Variants in GPNMB observed in about 807,000 individuals in gnomAD.
GPNMB encodes glycoprotein nmb.
A neutral mutation model predicts 57.3 loss-of-function variants in GPNMB; 71 were observed. The observed-to-expected ratio is 1.24, with a 90% CI of 1.02 to 1.51. The LOEUF (loss-of-function observed/expected upper bound fraction) is 1.51. Among genes scored for constraint, GPNMB ranks in the 40% most tolerant of loss-of-function variants. The pLI is 0.00. For synonymous variants in GPNMB, 253 were observed against 263.2 expected (o/e 0.96, Z 0.38); for missense variants, 677 against 691.9 (o/e 0.98, Z 0.24).
Position 23,274,510 on chromosome 7 carries a change from A to G in GPNMB, c.*286A>G. The G allele has an allele frequency of 4.0e-6, 1 of 247,314 alleles. No individual in the cohort carries two copies. The highest frequency in any genetic ancestry group is 7.8e-6 in the Non-Finnish European group (1 of 128,884). 15.3% of individuals were successfully genotyped at this position (247,314 alleles called of 1,614,324 possible). On this transcript the variant is annotated 3_prime_UTR_variant, in exon 11 of 11. Coordinates refer to ENST00000258733, the MANE Select transcript of GPNMB (RefSeq NM_002510.3). ...CTTAGGTAACTAGTAGGATAGAAAC[A>G]CTGTGTCCCGAGAGTAAGGAGAGAA...
chr7:23,252,167 G>A (rs1275690603), intron 1 of GPNMB, among the ~76,000 whole-genome samples: 1 of 152,100 alleles, frequency 6.6e-6, no homozygotes, highest in Non-Finnish European at 1.5e-5. Flanking sequence ...AAGAGTACAG[G>A]AAAAGAAGGA....
chr7:23,265,389 A>G (rs1039035926), intron 6 of GPNMB, among the ~76,000 whole-genome samples: 1 of 152,216 alleles, frequency 6.6e-6, no homozygotes, highest in Non-Finnish European at 1.5e-5. Context: ...TATTTTCAGT[A>G]TCGTTATTTT....
chr7:23,268,825 C>T (rs1783130278), intron 8 of GPNMB, among the ~76,000 whole-genome samples: 1 of 152,098 alleles, frequency 6.6e-6, no homozygotes, highest in Admixed American at 6.5e-5. Context: ...CTGCGAGAGG[C>T]CTGGCTGGTG....
intron 1 of GPNMB, among the ~76,000 whole-genome samples, chr7:23,248,747 T>C (rs1782595072): frequency 6.6e-6 from 1 of 151,910 alleles, no homozygotes; most frequent in South Asian, 2.1e-4. Flanking sequence ...CAGGCTTTTA[T>C]TTTTCTTTTA....
chr7:23,246,903 A>G lies in GPNMB; in HGVS notation c.46A>G (p.Arg16Gly), dbSNP rs1672964554. ...YFLGFLLLAA[R>G]LPLDAAKRFH... ...CCTGGGATTTCTGCTCCTGGCTGCA[A>G]GATTGCCACTTGATGCCGCCAAACG... Residue 16 changes from arginine to glycine, a missense_variant, in exon 1 of 11, where the codon AGA (arginine) becomes GGA (glycine). Physicochemically the swap from Arg to Gly is moderately radical, Grantham distance 125. Transcript: ENST00000258733. 2 of 1,613,856 alleles carry G rather than the reference A, an allele frequency of 1.2e-6. No individual in the cohort carries two copies. Among genetic ancestry groups the G allele is most frequent in the African/African-American group, 1.3e-5 (1 of 75,022 alleles).
chr7:23,250,885 G>A (rs1472303287), intron 1 of GPNMB: 1 of 152,114 alleles, frequency 6.6e-6, no homozygotes. Context: ...ATTTCCCTAG[G>A]CCTGAATTTC....
intron 3 of GPNMB, among the ~76,000 whole-genome samples, chr7:23,256,106 A>G (rs1048591766): frequency 6.6e-6 from 1 of 152,052 alleles, no homozygotes; most frequent in South Asian, 2.1e-4. Flanking sequence ...GGGTTTCACC[A>G]TGTTGGCCAG....
intron 2 of GPNMB, 43 bp from the exon 3 acceptor site, chr7:23,254,126 A>G: frequency 6.4e-7 from 1 of 1,570,760 alleles, no homozygotes; most frequent in Non-Finnish European, 8.6e-7. Context: ...GAACGAAAGG[A>G]AAAAGATGCT....
rs773987752 is a variant in GPNMB, at chr7:23,246,922, C to A, written c.65C>A (p.Ala22Asp). 7 of 1,610,194 alleles carry A rather than the reference C, an allele frequency of 4.3e-6. No homozygotes were observed. The highest frequency in any genetic ancestry group is 5.1e-6 in the Non-Finnish European group (6 of 1,176,576). ...GCTGCAAGATTGCCACTTGATGCCG[C>A]CAAACGTGAGTAACCCTTAATTTCT... ...LLAARLPLDAAKRFHDVLGNE... is the reference protein window; with the variant it reads ...LLAARLPLDADKRFHDVLGNE... Residue 22 changes from alanine to aspartate, a missense_variant, in exon 1 of 11, where the codon GCC (alanine) becomes GAC (aspartate). Coordinates refer to ENST00000258733, the MANE Select transcript of GPNMB (RefSeq NM_002510.3).
At chr7:23,253,481 A>C (rs1439083574) in intron 2 of GPNMB, 22 bp downstream of exon 2, 1 of 1,599,796 alleles carries the variant, frequency 6.3e-7, no homozygotes. Context: ...GATTCAAACC[A>C]AACACCTGCA....
In GPNMB at chr7:23,253,293, G is replaced by A. The variant is rs765705175; in HGVS notation, c.71-14G>A. ...CTAAATGAAGAATGGAATTTGTTTC[G>A]AATATTGATACAGGATTTCATGATG... On this transcript the variant is annotated splice_polypyrimidine_tract_variant and intron_variant, in intron 1 of 10. Coordinates refer to ENST00000258733, the MANE Select transcript of GPNMB (RefSeq NM_002510.3). The A allele has an allele frequency of 9.3e-6, 15 of 1,607,318 alleles. No homozygotes were observed. Among genetic ancestry groups the A allele is most frequent in the Admixed American group, 8.5e-5 (5 of 58,978 alleles).
At chr7:23,261,344 C>T (rs570421108) in intron 6 of GPNMB, among the ~76,000 whole-genome samples, 6 of 152,212 alleles carry the variant, frequency 3.9e-5, no homozygotes, top group African/African-American at 9.6e-5. Context: ...ATGTTTATTG[C>T]GGCACTATTC....
At chr7:23,254,810 T>A (rs1413023868) in intron 3 of GPNMB, among the ~76,000 whole-genome samples, 1 of 152,166 alleles carries the variant, frequency 6.6e-6, no homozygotes, top group Admixed American at 6.5e-5. Context: ...TCTATCTATG[T>A]TAAAGAGGAC....
intron 1 of GPNMB, among the ~76,000 whole-genome samples, chr7:23,251,290 A>G (rs1583813705): frequency 6.6e-6 from 1 of 152,200 alleles, no homozygotes; most frequent in East Asian, 1.9e-4. Context: ...TTCTCTGAGC[A>G]CCCACTCAAT....
intron 1 of GPNMB, 109 bp downstream of exon 1, chr7:23,247,036 T>A (rs75030519): frequency 0.018 from 14,748 of 841,146 alleles, 713 homozygotes; most frequent in African/African-American, 0.12. Flanking sequence ...TTCAGGAAGC[T>A]TTCATCTCTG....
In GPNMB at chr7:23,264,847, C is replaced by A. The variant is rs554128813; in HGVS notation, c.1019-1670C>A. ...GTCGTGATTCCATGCTCTAACTTGA[C>A]AACTAAATTCTGCCTGTCAAGAACT... is the stretch of plus-strand genomic sequence containing the variant. On this transcript the variant is annotated intron_variant, in intron 6 of 10. Coordinates refer to ENST00000258733, the MANE Select transcript of GPNMB (RefSeq NM_002510.3). Among the ~76,000 whole-genome samples, 3 of 152,294 alleles carry A rather than the reference C, an allele frequency of 2.0e-5. 1 individual carries two copies. In the South Asian group the frequency reaches 6.2e-4, roughly 32 times the overall value.
At chr7:23,253,551 C>A in intron 2 of GPNMB, 92 bp downstream of exon 2, 1 of 1,071,558 alleles carries the variant, frequency 9.3e-7, no homozygotes, top group South Asian at 1.6e-5. Flanking sequence ...CGGCTCACGT[C>A]ATTTCCACGA....
In GPNMB at chr7:23,267,897, G is replaced by A. The variant is rs370506567; in HGVS notation, c.1129G>A (p.Glu377Lys). The A allele has an allele frequency of 5.6e-6, 9 of 1,607,916 alleles. No homozygotes were observed. The highest frequency in any genetic ancestry group is 1.3e-5 in the African/African-American group (1 of 74,794). Residue 377 changes from glutamate to lysine, a missense_variant, in exon 8 of 11, where the codon GAG becomes AAG. Coordinates refer to ENST00000258733, the MANE Select transcript of GPNMB (RefSeq NM_002510.3). ...GGTTATTTTGTTAGAGGGAATCTTA[G>A]AGGTTAACATCATCCAGATGACAGA... ...ATITIVEGIL[E>K]VNIIQMTDVL...
intron 10 of GPNMB, 68 bp from the exon 11 acceptor site, chr7:23,273,997 G>A: frequency 8.0e-7 from 1 of 1,244,640 alleles, no homozygotes; most frequent in Non-Finnish European, 1.1e-6. Context: ...GCATGAAAAA[G>A]ATTGTAGAAA....
Sources: allele counts gnomAD v4.1 joint callset (sites outside exome capture counted in the v4.1 genomes callset), GRCh38; gene constraint gnomAD v4.1.1; transcripts MANE v1.5; gene names NCBI Gene and HGNC (gene_info 2026-07-23, HGNC 2026-07-21).